Variants in CCDC148 observed in about 807,000 individuals in gnomAD.
CCDC148 encodes coiled-coil domain containing 148, also known as coiled-coil domain-containing protein 148.
A neutral mutation model predicts 85.7 loss-of-function variants in CCDC148; 89 were observed. The ratio of observed to expected loss-of-function variants is 1.04; its 90% CI spans 0.87 to 1.24. CCDC148 has a LOEUF of 1.24. CCDC148 is among the 50% of genes most tolerant of loss of function. CCDC148 has a pLI of 0.00. For missense variants in CCDC148, 692 were observed against 671.7 expected (o/e 1.03, Z -0.33); for synonymous variants, 230 against 213.9 (o/e 1.08, Z -0.66).
intron 9 of CCDC148, among the ~76,000 whole-genome samples, chr2:158,279,589 A>C (rs1040960398): frequency 3.9e-5 from 6 of 152,220 alleles, no homozygotes; most frequent in African/African-American, 1.4e-4. Flanking sequence ...AAGAATAAAA[A>C]GAAATGAACA....
chr2:158,255,799 T>C (rs1559021850), intron 9 of CCDC148, among the ~76,000 whole-genome samples: 1 of 151,718 alleles, frequency 6.6e-6, no homozygotes, highest in Admixed American at 6.6e-5. Context: ...GGAGTGTGTG[T>C]TATAGGAAAG....
chr2:158,434,710 A>G (rs1031310367), intron 1 of CCDC148, among the ~76,000 whole-genome samples: 12 of 152,058 alleles, frequency 7.9e-5, no homozygotes, highest in African/African-American at 2.4e-4. Flanking sequence ...ACCCACTGCA[A>G]AGAAGCTAAA....
Position 158,345,285 on chromosome 2 carries a change from T to C in CCDC148, c.181A>G (p.Lys61Glu), listed in dbSNP as rs938944330. The stretch of plus-strand genomic sequence containing the variant: ...TGTTGTTTTATTAGTGTTTGTTCTT[T>C]GGATAACTTTGAAGTCAACATTGCT... ...RKAMLTSKLS[K>E]EQTLIKQHKQ... The change falls in exon 3 of 14, where the codon AAA becomes GAA. Residue 61 changes from lysine to glutamate, a missense_variant. Coordinates refer to ENST00000283233, the MANE Select transcript of CCDC148 (RefSeq NM_138803.4). 2.5e-6 allele frequency: 4 copies of C among 1,613,288 alleles called. No individual in the cohort carries two copies. The African/African-American group carries it at 5.3e-5, about 22-fold the overall frequency.
At chr2:158,259,319 C>G (rs1447467850) in intron 9 of CCDC148, among the ~76,000 whole-genome samples, 12 of 151,818 alleles carry the variant, frequency 7.9e-5, no homozygotes, top group Non-Finnish European at 1.8e-4. Context: ...TGACTGGTGC[C>G]TGTTTCCCCA....
At chr2:158,443,512 A>AG (rs767866473) in intron 1 of CCDC148, among the ~76,000 whole-genome samples, 6,425 of 149,766 alleles carry the variant, frequency 0.043, 261 homozygotes, top group Non-Finnish European at 0.062. Context: ...AAAAAAAAAA[A>AG]AAAAAAAAAA....
At chr2:158,359,054 T>G (rs997183829) in intron 1 of CCDC148, among the ~76,000 whole-genome samples, 1 of 152,124 alleles carries the variant, frequency 6.6e-6, no homozygotes, top group African/African-American at 2.4e-5. Flanking sequence ...AACTGAAAGC[T>G]AAAAGTTTAA....
intron 1 of CCDC148, among the ~76,000 whole-genome samples, chr2:158,411,590 A>C (rs542485521): frequency 6.6e-6 from 1 of 151,828 alleles, no homozygotes; most frequent in Non-Finnish European, 1.5e-5. Flanking sequence ...TGTTTTCCTA[A>C]TTTCATTAAG....
chr2:158,241,738 A>G (rs1688360035), intron 10 of CCDC148, among the ~76,000 whole-genome samples: 1 of 152,166 alleles, frequency 6.6e-6, no homozygotes, highest in Non-Finnish European at 1.5e-5. Context: ...GGCAAATGCC[A>G]CATAGTACTA....
At chr2:158,204,850 G>C (rs1168043801) in intron 11 of CCDC148, among the ~76,000 whole-genome samples, 1 of 152,172 alleles carries the variant, frequency 6.6e-6, no homozygotes, top group Non-Finnish European at 1.5e-5. Context: ...AAGAACACAG[G>C]AATGTAGTCA....
intron 2 of CCDC148, among the ~76,000 whole-genome samples, chr2:158,352,563 A>G (rs1480620363): frequency 6.6e-6 from 1 of 152,106 alleles, no homozygotes; most frequent in Non-Finnish European, 1.5e-5. Context: ...CCTCCAAGAA[A>G]TATGGGACTA....
chr2:158,299,975 C>T (rs541434662), intron 9 of CCDC148, among the ~76,000 whole-genome samples: 7 of 152,228 alleles, frequency 4.6e-5, no homozygotes, highest in South Asian at 2.1e-4. Context: ...AGAGAGACAA[C>T]GAGGAGCACA....
At chr2:158,433,091 A>AAAATATAT (rs1553521585) in intron 1 of CCDC148, among the ~76,000 whole-genome samples, 2 of 51,316 alleles carry the variant, frequency 3.9e-5, no homozygotes, top group African/African-American at 5.5e-5. Flanking sequence ...AAAAAAAAAA[A>AAAATATAT]ATATATATAT....
chr2:158,439,757 T>A (rs1687851233), intron 1 of CCDC148, among the ~76,000 whole-genome samples: 1 of 152,168 alleles, frequency 6.6e-6, no homozygotes, highest in Non-Finnish European at 1.5e-5. Context: ...TAATGCTCAA[T>A]AAGCATATTA....
chr2:158,280,111 G>C (rs940899866), intron 9 of CCDC148, among the ~76,000 whole-genome samples: 2 of 151,978 alleles, frequency 1.3e-5, no homozygotes, highest in Admixed American at 6.6e-5. Flanking sequence ...TGCCCTAAAA[G>C]AGCTCCTGAA....
intron 9 of CCDC148, among the ~76,000 whole-genome samples, chr2:158,302,672 T>C (rs1419119333): frequency 6.6e-6 from 1 of 151,738 alleles, no homozygotes; most frequent in African/African-American, 2.4e-5. Flanking sequence ...TAATCCCAGC[T>C]CCTCAGGAGG....
At chr2:158,224,398 A>G (rs1574437457) in intron 10 of CCDC148, among the ~76,000 whole-genome samples, 1 of 152,386 alleles carries the variant, frequency 6.6e-6, no homozygotes, top group Non-Finnish European at 1.5e-5. Context: ...TCTGCAGGAT[A>G]TTATCCAGGA....
intron 9 of CCDC148, among the ~76,000 whole-genome samples, chr2:158,273,096 AG>A (rs1689772629): frequency 6.6e-6 from 1 of 152,222 alleles, no homozygotes; most frequent in South Asian, 2.1e-4. Flanking sequence ...CTATGAAAAA[AG>A]AACCAAGAAA....
chr2:158,374,684 T>C (rs1684585223), intron 1 of CCDC148, among the ~76,000 whole-genome samples: 2 of 133,506 alleles, frequency 1.5e-5, no homozygotes, highest in Non-Finnish European at 3.2e-5. Flanking sequence ...TATATACATA[T>C]ATATGTGTAT....
In CCDC148 at chr2:158,277,862, G is replaced by A. The variant is rs559235229; in HGVS notation, c.1111-26950C>T. Among the ~76,000 whole-genome samples, 228 of 152,082 alleles carry A rather than the reference G, an allele frequency of 1.5e-3. 1 individual carries two copies. The highest frequency in any genetic ancestry group is 5.3e-3 in the African/African-American group (221 of 41,544). ...CCGCCCACTTCAGCCTCCCAAAGGA[G>A]TTATGTTTTTTATTTTCATTATTTT... On this transcript the variant is annotated intron_variant, in intron 9 of 13. Transcript: ENST00000283233.
Sources: gnomAD v4.1 joint callset for allele counts (sites outside exome capture counted in the v4.1 genomes callset) on GRCh38, gnomAD v4.1.1 for gene constraint, MANE v1.5 for transcripts, NCBI Gene and HGNC (gene_info 2026-07-23, HGNC 2026-07-21) for gene names.